The following TBC1D22A variants were observed in gnomAD, a reference collection of about 807,000 sequenced individuals.
TBC1D22A encodes the protein putative GTPase activator.
A neutral mutation model predicts 60.2 loss-of-function variants in TBC1D22A; 38 were observed. The observed-to-expected ratio is 0.63, with a 90% CI of 0.49 to 0.83. TBC1D22A has a LOEUF of 0.83. TBC1D22A is among the 40% of genes least tolerant of loss of function. The probability of loss-of-function intolerance (pLI) is 0.00; values close to 1 mark genes in which losing one functional copy is unlikely to be tolerated. For synonymous variants in TBC1D22A, 302 were observed against 281.7 expected (o/e 1.07, Z -0.72); for missense variants, 628 against 701.0 (o/e 0.90, Z 1.18).
Position 47,085,830 on chromosome 22 carries a change from G to A in TBC1D22A, c.1330-25678G>A, listed in dbSNP as rs142284557. 3.6e-3 allele frequency among the ~76,000 whole-genome samples: 555 copies of A among 152,248 alleles called. 2 individuals are homozygous for A. Among genetic ancestry groups the A allele is most frequent in the African/African-American group, 0.012 (509 of 41,544 alleles). ...ATGGTCAAATTAATATTTGTTCACC[G>A]GGAATCCAGAGATGGGAGAATAGCT... On this transcript the variant is annotated intron_variant, in intron 11 of 12. Coordinates refer to ENST00000337137, the MANE Select transcript of TBC1D22A (RefSeq NM_014346.5).
intron 11 of TBC1D22A, among the ~76,000 whole-genome samples, chr22:47,073,894 G>A (rs538716283): frequency 3.3e-5 from 5 of 152,288 alleles, no homozygotes; most frequent in Admixed American, 3.3e-4. Flanking sequence ...TTGGAAGGTC[G>A]AGGAGGGCAG....
At position 47,049,242 on chromosome 22, in the gene TBC1D22A, A is replaced by G. The variant is rs114672381; in HGVS notation, c.1329+12044A>G. On this transcript the variant is annotated intron_variant, in intron 11 of 12. Coordinates refer to ENST00000337137, the MANE Select transcript of TBC1D22A (RefSeq NM_014346.5). ...ACCTTCGGCTTTGCGCCACTGTTCCAGTATTGACATTTTCCGATATTAACC... is the reference window on the plus strand; with the variant it reads ...ACCTTCGGCTTTGCGCCACTGTTCCGGTATTGACATTTTCCGATATTAACC... Among the ~76,000 whole-genome samples, 876 of 152,342 alleles carry G rather than the reference A, an allele frequency of 5.8e-3. 6 individuals carry two copies. Among genetic ancestry groups the G allele is most frequent in the African/African-American group, 0.02 (836 of 41,586 alleles).
chr22:46,967,946 G>C, intron 8 of TBC1D22A, among the ~76,000 whole-genome samples: 1 of 152,114 alleles, frequency 6.6e-6, no homozygotes, highest in Non-Finnish European at 1.5e-5. Flanking sequence ...GCACCCCCTG[G>C]TAATTACAAG....
At chr22:47,151,629 C>G (rs867957182) in intron 12 of TBC1D22A, among the ~76,000 whole-genome samples, 16 of 152,314 alleles carry the variant, frequency 1.1e-4, no homozygotes, top group Admixed American at 1.3e-4. Flanking sequence ...GCTGTGCTGG[C>G]TGCTGAGCCA....
intron 8 of TBC1D22A, among the ~76,000 whole-genome samples, chr22:46,943,181 C>G (rs913483141): frequency 6.6e-6 from 1 of 152,042 alleles, no homozygotes; most frequent in African/African-American, 2.4e-5. Flanking sequence ...AGCTGCCCGC[C>G]TCACTTTTGG....
At chr22:46,802,392 C>T (rs76322649) in intron 4 of TBC1D22A, among the ~76,000 whole-genome samples, 11,270 of 151,704 alleles carry the variant, frequency 0.074, 577 homozygotes, top group Non-Finnish European at 0.11. Context: ...GTTTCTGGGG[C>T]GAGATCTGCA....
At chr22:47,013,759 C>T (rs552212460) in intron 10 of TBC1D22A, among the ~76,000 whole-genome samples, 6 of 152,292 alleles carry the variant, frequency 3.9e-5, no homozygotes, top group South Asian at 4.1e-4. Flanking sequence ...GGGCACATCC[C>T]GTCTTTCTAC....
chr22:46,831,194 A>G (rs892528183), intron 4 of TBC1D22A, among the ~76,000 whole-genome samples: 6 of 151,740 alleles, frequency 4.0e-5, no homozygotes, highest in Admixed American at 3.3e-4. Context: ...GACAGAGCCC[A>G]CCCCTGACAT....
chr22:46,816,544 A>G (rs2085609063), intron 4 of TBC1D22A, among the ~76,000 whole-genome samples: 1 of 152,252 alleles, frequency 6.6e-6, no homozygotes, highest in South Asian at 2.1e-4. Flanking sequence ...TACCATCTCA[A>G]CAGCAGTAGA....
At chr22:47,029,926 C>T (rs770601670) in intron 10 of TBC1D22A, among the ~76,000 whole-genome samples, 13 of 152,218 alleles carry the variant, frequency 8.5e-5, no homozygotes, top group Non-Finnish European at 1.3e-4. Context: ...CCTTCCCACC[C>T]TCTGCCCACC....
In TBC1D22A at chr22:46,974,443, C is replaced by T. The variant is rs371589425; in HGVS notation, c.1125+44C>T. On this transcript the variant is annotated intron_variant, in intron 9 of 12. Transcript: ENST00000337137. ...GGGACACAGCCCACGCCCACAGCCC[C>T]TGCGGTGAAGAGAGCCTGAGGCCTT... 34 of 1,532,944 alleles carry T rather than the reference C, an allele frequency of 2.2e-5. No homozygotes were observed. In the African/African-American group the frequency reaches 4.0e-4, roughly 18 times the overall value. The allele number at this position is 1,532,944 out of a possible 1,614,324, so 95.0% of individuals were successfully genotyped here.
chr22:46,845,540 G>T (rs922497264), intron 4 of TBC1D22A, among the ~76,000 whole-genome samples: 4 of 152,134 alleles, frequency 2.6e-5, no homozygotes, highest in Non-Finnish European at 5.9e-5. Context: ...CCACGAACCT[G>T]GTGTCTGGAA....
At chr22:47,143,623 T>C (rs1311677526) in intron 12 of TBC1D22A, among the ~76,000 whole-genome samples, 1 of 152,184 alleles carries the variant, frequency 6.6e-6, no homozygotes, top group African/African-American at 2.4e-5. Context: ...AATGCAGAGT[T>C]CTTTCCAGTG....
At chr22:47,014,730 G>A (rs1035584486) in intron 10 of TBC1D22A, among the ~76,000 whole-genome samples, 32 of 150,742 alleles carry the variant, frequency 2.1e-4, no homozygotes, top group African/African-American at 7.0e-4. Flanking sequence ...TGGGTCTGTC[G>A]TCTCTGGACC....
intron 1 of TBC1D22A, among the ~76,000 whole-genome samples, chr22:46,768,922 C>T (rs1002342360): frequency 2.0e-5 from 3 of 151,882 alleles, no homozygotes; most frequent in African/African-American, 7.2e-5. Flanking sequence ...GGTGAAACCC[C>T]GTCTCTACTA....
At chr22:46,827,722 G>A (rs1246955088) in intron 4 of TBC1D22A, among the ~76,000 whole-genome samples, 1 of 152,098 alleles carries the variant, frequency 6.6e-6, no homozygotes, top group Non-Finnish European at 1.5e-5. Flanking sequence ...GCTTCTGAAG[G>A]GTGACCTATG....
chr22:47,065,767 A>T (rs895565223), intron 11 of TBC1D22A, among the ~76,000 whole-genome samples: 13 of 150,230 alleles, frequency 8.7e-5, no homozygotes, highest in African/African-American at 3.2e-4. Context: ...GTTTCAAGTG[A>T]GTGACTTCAG....
At position 46,777,913 on chromosome 22, in the gene TBC1D22A, G is replaced by A. The variant is rs1264041777; in HGVS notation, c.63-14607G>A. Among the ~76,000 whole-genome samples, 4 of 152,278 alleles carry A rather than the reference G, an allele frequency of 2.6e-5. No individual in the cohort carries two copies. Among genetic ancestry groups the A allele is most frequent in the South Asian group, 2.1e-4 (1 of 4,818 alleles). ...ACCCAGGTAGAGTTAGCGCAGTGTC[G>A]CCTGCTGCACACCTAGGCTGTACGG... On this transcript the variant is annotated intron_variant, in intron 1 of 12. Transcript: ENST00000337137. The surrounding 1 kb of genome is among the most constrained non-coding windows in gnomAD (Gnocchi z 4.5).
chr22:47,013,610 G>C (rs751658703), intron 10 of TBC1D22A, among the ~76,000 whole-genome samples: 1 of 152,156 alleles, frequency 6.6e-6, no homozygotes, highest in Non-Finnish European at 1.5e-5. Flanking sequence ...CTAGGAGGCC[G>C]CATTGCAGGT....
Sources: allele counts gnomAD v4.1 joint callset (sites outside exome capture counted in the v4.1 genomes callset), GRCh38; gene constraint gnomAD v4.1.1; non-coding constraint Gnocchi (gnomAD v3.1); transcripts MANE v1.5; gene names NCBI Gene and HGNC (gene_info 2026-07-23, HGNC 2026-07-21).